The following FSTL5 variants were observed in gnomAD, a reference collection of about 807,000 sequenced individuals.
FSTL5 encodes the protein follistatin-related protein 5.
FSTL5 carries 62 observed loss-of-function variants against 89.1 expected under a neutral mutation model. That is an observed-to-expected ratio of 0.70 (90% CI 0.57 to 0.86). The LOEUF (loss-of-function observed/expected upper bound fraction) is 0.86, where lower values mean the gene tolerates loss of function less well. FSTL5 is among the 40% of genes least tolerant of loss of function. The probability of loss-of-function intolerance (pLI) is 0.00; values close to 1 mark genes in which losing one functional copy is unlikely to be tolerated. For missense variants in FSTL5, 1,057 were observed against 1,001.6 expected (o/e 1.06, Z -0.75); for synonymous variants, 383 against 346.2 (o/e 1.11, Z -1.18).
At chr4:161,994,533 G>T (rs1463701901) in intron 3 of FSTL5, among the ~76,000 whole-genome samples, 1 of 151,854 alleles carries the variant, frequency 6.6e-6, no homozygotes, top group African/African-American at 2.4e-5. Flanking sequence ...CCACATCCTT[G>T]CCAGCATCTG....
chr4:161,435,780 T>C (rs1732540035), intron 15 of FSTL5, among the ~76,000 whole-genome samples: 1 of 151,818 alleles, frequency 6.6e-6, no homozygotes, highest in Admixed American at 6.6e-5. Flanking sequence ...TGAGTCTTCA[T>C]AATAAGCAAT....
At chr4:162,008,746 G>A (rs953067187) in intron 3 of FSTL5, among the ~76,000 whole-genome samples, 1 of 151,828 alleles carries the variant, frequency 6.6e-6, no homozygotes, top group Non-Finnish European at 1.5e-5. Context: ...TAGCATAAAT[G>A]ACTTTAGGCC....
In FSTL5 at chr4:161,666,814, TAGG is replaced by T. The variant is rs147202939; in HGVS notation, c.728-10323_728-10321del. On this transcript the variant is annotated intron_variant, in intron 6 of 15. Coordinates refer to ENST00000306100, the MANE Select transcript of FSTL5 (RefSeq NM_020116.5). ...TTCTGCCAAAAGTTCTGAAAGTAATTAGGAGAACTTATAATCACAAATACAAAT... is the reference window on the plus strand; with the variant it reads ...TTCTGCCAAAAGTTCTGAAAGTAATTAGAACTTATAATCACAAATACAAAT... 9.1e-3 allele frequency among the ~76,000 whole-genome samples: 1,378 copies of T among 152,108 alleles called. 21 individuals are homozygous for T. Among genetic ancestry groups the T allele is most frequent in the African/African-American group, 0.031 (1,296 of 41,538 alleles).
rs113011807 is a variant in FSTL5 at position 161,839,276 on chromosome 4, C to T, written c.410-63202G>A. 5.7e-3 allele frequency among the ~76,000 whole-genome samples: 872 copies of T among 151,966 alleles called. 10 individuals carry two copies. The highest frequency in any genetic ancestry group is 0.019 in the African/African-American group (808 of 41,494). On this transcript the variant is annotated intron_variant, in intron 4 of 15. Transcript: ENST00000306100. ...ATTAATGCAATGATCTATTCTGTTA[C>T]GGGATGAATGAAAGAGAGAAAGAGA...
chr4:161,771,500 T>A (rs1417759262), intron 5 of FSTL5, among the ~76,000 whole-genome samples: 1 of 152,110 alleles, frequency 6.6e-6, no homozygotes, highest in African/African-American at 2.4e-5. Flanking sequence ...CCAGACTTTA[T>A]AATAAAAGTT....
chr4:161,971,890 T>C (rs1735495300), intron 3 of FSTL5, among the ~76,000 whole-genome samples: 1 of 152,170 alleles, frequency 6.6e-6, no homozygotes, highest in South Asian at 2.1e-4. Flanking sequence ...ATCCAGTCTG[T>C]TTCCCAGTTG....
At chr4:161,620,172 C>T (rs1735067754) in intron 7 of FSTL5, among the ~76,000 whole-genome samples, 1 of 122,828 alleles carries the variant, frequency 8.1e-6, no homozygotes, top group African/African-American at 3.3e-5. Context: ...GGGAACATCA[C>T]ACTCTGGGGA....
At chr4:161,860,286 T>TCAAGCAAA (rs1731870093) in intron 4 of FSTL5, among the ~76,000 whole-genome samples, 2 of 149,798 alleles carry the variant, frequency 1.3e-5, no homozygotes. Context: ...AGACTCCGTC[T>TCAAGCAAA]CAAACAAACA....
At chr4:161,966,010 T>C (rs17640064) in intron 3 of FSTL5, among the ~76,000 whole-genome samples, 54,315 of 151,942 alleles carry the variant, frequency 0.36, 10,016 homozygotes, top group East Asian at 0.58. Flanking sequence ...TGTATGAATA[T>C]GTGTATAAAT....
At chr4:162,126,000 T>G (rs2111445507) in intron 1 of FSTL5, among the ~76,000 whole-genome samples, 1 of 152,194 alleles carries the variant, frequency 6.6e-6, no homozygotes, top group East Asian at 1.9e-4. Flanking sequence ...GTCTAAAATA[T>G]TCAATGTATC....
chr4:162,153,759 T>TATGTATATACATATATATGTATA lies in FSTL5; in HGVS notation c.-17+9855_-17+9856insTATACATATATATGTATATACAT, dbSNP rs1554004007. Among the ~76,000 whole-genome samples, 8 of 100,120 alleles carry TATGTATATACATATATATGTATA rather than the reference T, an allele frequency of 8.0e-5. No individual in the cohort carries two copies. In the East Asian group the frequency reaches 1.9e-3, roughly 24 times the overall value. 65.7% of individuals were successfully genotyped at this position (100,120 alleles called of 152,430 possible). A position where few individuals can be genotyped will look rare whatever the true frequency, so the allele number is the denominator to read the frequency against. On this transcript the variant is annotated intron_variant, in intron 1 of 15. Coordinates refer to ENST00000306100, the MANE Select transcript of FSTL5 (RefSeq NM_020116.5). ...ATGTATATAATAATATACATGTATA[T>TATGTATATACATATATATGTATA]ATACATGTATATTATATGTATACAT...
rs186325279 is a variant in FSTL5 at position 161,614,618 on chromosome 4, G to A, written c.895-27043C>T. ...TATTAAGAGGAAAAATGCTTATGTT[G>A]CATGATACATGCACATGAGGTCTCC... On this transcript the variant is annotated intron_variant, in intron 7 of 15. Coordinates refer to ENST00000306100, the MANE Select transcript of FSTL5 (RefSeq NM_020116.5). Among the ~76,000 whole-genome samples the A allele has an allele frequency of 2.1e-3, 321 of 152,218 alleles. 1 individual carries two copies. Among genetic ancestry groups the A allele is most frequent in the Middle Eastern group, 6.8e-3 (2 of 294 alleles).
chr4:161,784,229 C>A (rs1391455100), intron 4 of FSTL5, among the ~76,000 whole-genome samples: 3 of 152,076 alleles, frequency 2.0e-5, no homozygotes, highest in African/African-American at 7.2e-5. Context: ...AGCCACCATG[C>A]CTTGCCAATT....
At chr4:161,876,846 T>C (rs931294860) in intron 4 of FSTL5, among the ~76,000 whole-genome samples, 1 of 152,144 alleles carries the variant, frequency 6.6e-6, no homozygotes, top group East Asian at 1.9e-4. Flanking sequence ...AATGTTGTTA[T>C]AAACAAGAAT....
chr4:161,581,736 T>A (rs28397173), intron 8 of FSTL5, among the ~76,000 whole-genome samples: 2 of 152,234 alleles, frequency 1.3e-5, no homozygotes, highest in Non-Finnish European at 2.9e-5. Flanking sequence ...AACCACTTTA[T>A]GCAGAAGTTT....
intron 7 of FSTL5, among the ~76,000 whole-genome samples, chr4:161,640,326 C>T (rs1735907859): frequency 6.6e-6 from 1 of 152,116 alleles, no homozygotes; most frequent in South Asian, 2.1e-4. Context: ...TCAACAGAAA[C>T]TGTCCCTGAA....
intron 8 of FSTL5, among the ~76,000 whole-genome samples, chr4:161,572,813 A>C (rs2126587962): frequency 6.6e-6 from 1 of 152,294 alleles, no homozygotes; most frequent in East Asian, 1.9e-4. Context: ...CCACAATCAG[A>C]CTGTAGGAGA....
chr4:161,476,153 C>T, intron 13 of FSTL5, among the ~76,000 whole-genome samples: 1 of 124,426 alleles, frequency 8.0e-6, no homozygotes. Flanking sequence ...TCAGATTCTT[C>T]TCCTTCTTCA....
chr4:161,922,032 C>A lies in FSTL5; in HGVS notation c.161-1380G>T, dbSNP rs200462333. 1.8e-3 allele frequency among the ~76,000 whole-genome samples: 274 copies of A among 151,998 alleles called. 6 individuals carry two copies. The South Asian group carries it at 0.052, about 29-fold the overall frequency. The stretch of plus-strand genomic sequence containing the variant: ...CATTAATTTTATTTTCATATTTATG[C>A]ATGAATTCTCAAATGGAATTTAAAT... On this transcript the variant is annotated intron_variant, in intron 3 of 15. Coordinates refer to ENST00000306100, the MANE Select transcript of FSTL5 (RefSeq NM_020116.5).
Sources: gnomAD v4.1 joint callset for allele counts (sites outside exome capture counted in the v4.1 genomes callset) on GRCh38, gnomAD v4.1.1 for gene constraint, MANE v1.5 for transcripts, NCBI Gene and HGNC (gene_info 2026-07-23, HGNC 2026-07-21) for gene names.